The following UBE2D2 variants were observed in gnomAD, a reference collection of about 807,000 sequenced individuals.
The protein encoded by UBE2D2 is ubiquitin-conjugating enzyme E2 D2.
In UBE2D2, 2 loss-of-function variants were observed where a neutral mutation model predicts 24.2. The observed-to-expected ratio is 0.08, with a 90% CI of 0.03 to 0.26. UBE2D2 has a LOEUF of 0.26. Ranked by LOEUF, UBE2D2 falls within the 10% of genes least tolerant of loss-of-function variation. UBE2D2 has a pLI of 1.00. For missense variants in UBE2D2, 44 were observed against 177.6 expected (o/e 0.25, Z 4.28); for synonymous variants, 58 against 56.5 (o/e 1.03, Z -0.12).
At chr5:139,611,872 C>T (rs56173522) in intron 2 of UBE2D2, 1 of 152,070 alleles carries the variant, frequency 6.6e-6, no homozygotes, top group African/African-American at 2.4e-5. Flanking sequence ...TTTTTCCACT[C>T]GCAGTCATAT....
chr5:139,565,114 T>G (rs1408360292), intron 1 of UBE2D2, among the ~76,000 whole-genome samples: 1 of 152,232 alleles, frequency 6.6e-6, no homozygotes, highest in East Asian at 1.9e-4. Flanking sequence ...CTTAAATACC[T>G]TCTTGACTTA....
chr5:139,615,039 A>G, intron 5 of UBE2D2, 73 bp downstream of exon 5: 1 of 1,355,404 alleles, frequency 7.4e-7, no homozygotes, highest in Non-Finnish European at 1.0e-6. Flanking sequence ...TATTTTTGAA[A>G]AGATTACTTA....
At chr5:139,562,554 G>A in intron 1 of UBE2D2, 2 of 893,594 alleles carry the variant, frequency 2.2e-6, no homozygotes, top group South Asian at 1.6e-5. Context: ...GTAGAAACCT[G>A]AACATTGAAA....
intron 1 of UBE2D2, among the ~76,000 whole-genome samples, chr5:139,576,742 G>C (rs1409292872): frequency 6.6e-6 from 1 of 151,892 alleles, no homozygotes; most frequent in Non-Finnish European, 1.5e-5. Context: ...GTCAACAAAG[G>C]TGCTCCCATC....
chr5:139,578,146 TG>T (rs1753518539), intron 1 of UBE2D2, among the ~76,000 whole-genome samples: 1 of 152,152 alleles, frequency 6.6e-6, no homozygotes, highest in South Asian at 2.1e-4. Context: ...CAGAGACCAC[TG>T]CTTCAGTAAC....
chr5:139,615,030 A>G lies in UBE2D2; in HGVS notation c.304+64A>G, dbSNP rs138861356. The stretch of plus-strand genomic sequence containing the variant: ...GTCTTTTGTCTTTTTAGAGTTATTT[A>G]TTTTTGAAAAGATTACTTATGTTTC... On this transcript the variant is annotated intron_variant, in intron 5 of 6. Transcript: ENST00000398733. 3.2e-4 allele frequency: 449 copies of G among 1,420,028 alleles called. 3 individuals are homozygous for G. In the East Asian group the frequency reaches 9.6e-3, roughly 30 times the overall value. 88.0% of individuals were successfully genotyped at this position (1,420,028 alleles called of 1,614,324 possible). A position where few individuals can be genotyped will look rare whatever the true frequency, so the allele number is the denominator to read the frequency against.
chr5:139,561,754 G>A lies in UBE2D2; in HGVS notation c.-38G>A. The A allele has an allele frequency of 1.8e-6, 1 of 543,746 alleles. No individual in the cohort carries two copies. The highest frequency in any genetic ancestry group is 6.7e-5 in the East Asian group (1 of 14,910). The allele number at this position is 543,746 out of a possible 1,614,324, so 33.7% of individuals were successfully genotyped here. A position where few individuals can be genotyped will look rare whatever the true frequency, so the allele number is the denominator to read the frequency against. On this transcript the variant is annotated 5_prime_UTR_variant, in exon 1 of 7. Coordinates refer to ENST00000398733, the MANE Select transcript of UBE2D2 (RefSeq NM_003339.3). ...CCTTCCCCGTCCCTTCCCCGCCCCCGTCCCCGCCCCGGGGGCCGCCGCCAC... is the reference window on the plus strand; with the variant it reads ...CCTTCCCCGTCCCTTCCCCGCCCCCATCCCCGCCCCGGGGGCCGCCGCCAC...
intron 2 of UBE2D2, among the ~76,000 whole-genome samples, chr5:139,603,674 C>T (rs369913621): frequency 1.7e-4 from 25 of 144,292 alleles, no homozygotes; most frequent in South Asian, 6.6e-4. Flanking sequence ...CACGTCTGTA[C>T]GCCTGTAATG....
At chr5:139,622,399 C>T (rs1483836338) in intron 5 of UBE2D2, among the ~76,000 whole-genome samples, 1 of 151,158 alleles carries the variant, frequency 6.6e-6, no homozygotes, top group Non-Finnish European at 1.5e-5. Flanking sequence ...CACACACCAC[C>T]ACGCCCAGCT....
At chr5:139,553,560 A>T (rs902545741) in intron 1 of UBE2D2, among the ~76,000 whole-genome samples, 5 of 152,162 alleles carry the variant, frequency 3.3e-5, no homozygotes, top group Admixed American at 6.6e-5. Context: ...CTCCAGGAAC[A>T]TGCAGTGTGC....
chr5:139,557,424 G>A (rs1398636022), upstream of UBE2D2, among the ~76,000 whole-genome samples: 1 of 151,986 alleles, frequency 6.6e-6, no homozygotes, highest in African/African-American at 2.4e-5. Context: ...TGAAAATTTG[G>A]TGAAGATATT....
chr5:139,613,959 G>A (rs1416719025), intron 2 of UBE2D2, among the ~76,000 whole-genome samples: 1 of 151,910 alleles, frequency 6.6e-6, no homozygotes, highest in East Asian at 1.9e-4. Context: ...CTACTTGGGA[G>A]GCTGAGGCAG....
At chr5:139,579,244 T>G (rs1327179096) in intron 1 of UBE2D2, among the ~76,000 whole-genome samples, 1 of 152,176 alleles carries the variant, frequency 6.6e-6, no homozygotes, top group Non-Finnish European at 1.5e-5. Context: ...GCCTCCCCGG[T>G]TCAAGCAATT....
chr5:139,533,320 T>C (rs1752620810), intron 1 of UBE2D2, among the ~76,000 whole-genome samples: 1 of 151,714 alleles, frequency 6.6e-6, no homozygotes, highest in Admixed American at 6.6e-5. Context: ...ATGAAATTGA[T>C]GGCATGTAAA....
rs1753103224 is a variant in UBE2D2, at chr5:139,561,743, T to C, written c.-49T>C. 2.1e-5 allele frequency: 28 copies of C among 1,349,408 alleles called. No homozygotes were observed. The highest frequency in any genetic ancestry group is 2.4e-5 in the Non-Finnish European group (24 of 1,013,104). 83.6% of individuals were successfully genotyped at this position (1,349,408 alleles called of 1,614,324 possible). A position where few individuals can be genotyped will look rare whatever the true frequency, so the allele number is the denominator to read the frequency against. ...GCTCCCTAGCCCCTTCCCCGTCCCTTCCCCGCCCCCGTCCCCGCCCCGGGG... is the reference window on the plus strand; with the variant it reads ...GCTCCCTAGCCCCTTCCCCGTCCCTCCCCCGCCCCCGTCCCCGCCCCGGGG... On this transcript the variant is annotated 5_prime_UTR_variant, in exon 1 of 7. Transcript: ENST00000398733.
chr5:139,561,358 A>T lies in UBE2D2; in HGVS notation c.-434A>T. 1 of 155,270 alleles carries T rather than the reference A, an allele frequency of 6.4e-6. No homozygotes were observed. The highest frequency in any genetic ancestry group is 1.4e-5 in the Non-Finnish European group (1 of 70,466). 9.6% of individuals were successfully genotyped at this position (155,270 alleles called of 1,614,324 possible). ...TCCGACGGCCCCACCCCGGCGGCGC[A>T]GCCCGCCCGCCCGCGCGTCCCTCGG... is the stretch of plus-strand genomic sequence containing the variant. On this transcript the variant is annotated 5_prime_UTR_variant, in exon 1 of 7. Coordinates refer to ENST00000398733, the MANE Select transcript of UBE2D2 (RefSeq NM_003339.3).
rs934458195 is a variant in UBE2D2 at position 139,529,476 on chromosome 5, T to A, written c.-64+2864T>A. On this transcript the variant is annotated intron_variant, in intron 1 of 6. Transcript: ENST00000511725. Reference sequence around the variant, plus strand: ...AAGTACATCTGTCAAAAATCATATTTATGCGAGATGTGTCAATACTGGTCT... The same window carrying A: ...AAGTACATCTGTCAAAAATCATATTAATGCGAGATGTGTCAATACTGGTCT... Among the ~76,000 whole-genome samples the A allele has an allele frequency of 2.0e-5, 3 of 152,160 alleles. No individual in the cohort carries two copies. In the East Asian group the frequency reaches 5.8e-4, roughly 29 times the overall value.
rs74865587 is a variant in UBE2D2, at chr5:139,576,992, T to C, written c.24+15177T>C. On this transcript the variant is annotated intron_variant, in intron 1 of 6. Coordinates refer to ENST00000398733, the MANE Select transcript of UBE2D2 (RefSeq NM_003339.3). ...ATTTTTTTTTTTTTTTTTGCTCTTATGTTATTCATATGAATTTTGCAAATA... is the reference window on the plus strand; with the variant it reads ...ATTTTTTTTTTTTTTTTTGCTCTTACGTTATTCATATGAATTTTGCAAATA... Among the ~76,000 whole-genome samples the C allele has an allele frequency of 4.0e-5, 6 of 150,920 alleles. No individual in the cohort carries two copies. In the East Asian group the frequency reaches 9.7e-4, roughly 24 times the overall value.
At chr5:139,546,044 CTTTT>C (rs1472779315) in intron 1 of UBE2D2, among the ~76,000 whole-genome samples, 2 of 149,944 alleles carry the variant, frequency 1.3e-5, no homozygotes, top group Non-Finnish European at 1.5e-5. Context: ...CTATTTCTTT[CTTTT>C]TATTTTTTTC....
Sources: gnomAD v4.1 joint callset for allele counts (sites outside exome capture counted in the v4.1 genomes callset) on GRCh38, gnomAD v4.1.1 for gene constraint, MANE v1.5 for transcripts, NCBI Gene and HGNC (gene_info 2026-07-23, HGNC 2026-07-21) for gene names.